LIX1: variants seen among roughly 807,000 people sequenced by gnomAD.
LIX1 encodes the protein protein limb expression 1 homolog.
Under a neutral mutation model 33.4 loss-of-function variants are expected in LIX1, and 24 were observed. That is an observed-to-expected ratio of 0.72 (90% CI 0.52 to 1.01). The LOEUF (loss-of-function observed/expected upper bound fraction) is 1.01, where lower values mean the gene tolerates loss of function less well. LIX1 is among the 50% of genes least tolerant of loss of function. LIX1 has a pLI of 0.00. For synonymous variants in LIX1, 124 were observed against 124.0 expected (o/e 1.00, Z 0.00); for missense variants, 311 against 339.2 (o/e 0.92, Z 0.65).
At chr5:97,095,968 T>A (rs182625) in intron 5 of LIX1, among the ~76,000 whole-genome samples, 48,847 of 152,072 alleles carry the variant, frequency 0.32, 8,808 homozygotes, top group African/African-American at 0.5. Context: ...ATCTTTGACA[T>A]CTGAAACCTA....
intron 2 of LIX1, among the ~76,000 whole-genome samples, chr5:97,113,593 A>C (rs1747525299): frequency 6.6e-6 from 1 of 152,134 alleles, no homozygotes; most frequent in South Asian, 2.1e-4. Flanking sequence ...GAGGTTATAC[A>C]TCCCAAGGTC....
At position 97,116,304 on chromosome 5, in the gene LIX1, T is replaced by C. The variant is rs548197544; in HGVS notation, c.246+8162A>G. Among the ~76,000 whole-genome samples the C allele has an allele frequency of 3.3e-5, 5 of 152,286 alleles. No homozygotes were observed. The East Asian group carries it at 9.6e-4, about 29-fold the overall frequency. ...TTTTTTCTCCTTCCAGATGGTGATG[T>C]GAAAAAGGGCAACCGTTGGAACTCA... On this transcript the variant is annotated intron_variant, in intron 2 of 5. Transcript: ENST00000274382.
At chr5:97,104,249 T>G (rs1336141873) in intron 4 of LIX1, among the ~76,000 whole-genome samples, 1 of 152,190 alleles carries the variant, frequency 6.6e-6, no homozygotes, top group Non-Finnish European at 1.5e-5. Flanking sequence ...TACCTCTGAT[T>G]GCTTCTTGGA....
At position 97,097,061 on chromosome 5, in the gene LIX1, T is replaced by C. The variant is rs568863279; in HGVS notation, c.484-174A>G. 2.2e-4 allele frequency among the ~76,000 whole-genome samples: 33 copies of C among 152,348 alleles called. No individual in the cohort carries two copies. The South Asian group carries it at 6.4e-3, about 30-fold the overall frequency. The stretch of plus-strand genomic sequence containing the variant: ...TCCCAGGGCTTCTGGAACATTCTTC[T>C]CTTCCTCCTTTGCTATATCCATAGC... On this transcript the variant is annotated intron_variant, in intron 4 of 5. Coordinates refer to ENST00000274382, the MANE Select transcript of LIX1 (RefSeq NM_153234.5).
rs575586203 is a variant in LIX1, at chr5:97,091,951, C to A, written c.*2797G>T. The stretch of plus-strand genomic sequence containing the variant: ...TTTAGTGACAGTTTGCTCTAAACTG[C>A]TTTTTTAAAAACAATAATATGGTAA... On this transcript the variant is annotated 3_prime_UTR_variant, in exon 6 of 6. Transcript: ENST00000274382. The A allele has an allele frequency of 6.6e-6, 1 of 152,362 alleles. No homozygotes were observed. The highest frequency in any genetic ancestry group is 2.1e-4 in the South Asian group (1 of 4,820). 9.4% of individuals were successfully genotyped at this position (152,362 alleles called of 1,614,324 possible). A position where few individuals can be genotyped will look rare whatever the true frequency, so the allele number is the denominator to read the frequency against.
At chr5:97,105,947 C>T (rs73775658) in intron 3 of LIX1, among the ~76,000 whole-genome samples, 1,697 of 152,258 alleles carry the variant, frequency 0.011, 26 homozygotes, top group African/African-American at 0.039. Context: ...CGCGGATTCC[C>T]GGGAAGGTGG....
intron 2 of LIX1, among the ~76,000 whole-genome samples, chr5:97,113,121 GAGC>G: frequency 6.6e-6 from 1 of 152,316 alleles, no homozygotes; most frequent in South Asian, 2.1e-4. Context: ...GCCATGTTAT[GAGC>G]AGTCCCAAGG....
At position 97,107,419 on chromosome 5, in the gene LIX1, G is replaced by C; in HGVS notation, c.328C>G (p.Arg110Gly). Residue 110 changes from arginine to glycine, a missense_variant, in exon 3 of 6, where the codon CGC (arginine) becomes GGC (glycine). Physicochemically the swap from Arg to Gly is moderately radical, Grantham distance 125 (BLOSUM62 -2). Coordinates refer to ENST00000274382, the MANE Select transcript of LIX1 (RefSeq NM_153234.5). ...ATAATGAATTCCTTGGTGATCCTGC[G>C]AGAGGGCAGCTCATTGAAGAGGGAG... ...INSLFNELPS[R>G]RITKEFIMES... is the part of the protein sequence containing the mutation. 1 of 1,612,984 alleles carries C rather than the reference G, an allele frequency of 6.2e-7. No homozygotes were observed. The highest frequency in any genetic ancestry group is 8.5e-7 in the Non-Finnish European group (1 of 1,180,000).
chr5:97,124,302 G>T (rs1241651189), intron 2 of LIX1, among the ~76,000 whole-genome samples, 164 bp downstream of exon 2: 1 of 152,152 alleles, frequency 6.6e-6, no homozygotes. Context: ...ATTTATAAAG[G>T]ATATTGGCAA....
In LIX1 at chr5:97,093,593, G is replaced by A. The variant is rs1442835521; in HGVS notation, c.*1155C>T. On this transcript the variant is annotated 3_prime_UTR_variant, in exon 6 of 6. Transcript: ENST00000274382. ...GCCCAGGAGTTCAAGACCAGCCTGG[G>A]CAACATGATGAAATCCCGTCTCTAC... 4 of 136,436 alleles carry A rather than the reference G, an allele frequency of 2.9e-5. No individual in the cohort carries two copies. The highest frequency in any genetic ancestry group is 6.1e-5 in the Non-Finnish European group (4 of 65,828). The allele number at this position is 136,436 out of a possible 1,614,324, so 8.5% of individuals were successfully genotyped here. A position where few individuals can be genotyped will look rare whatever the true frequency, so the allele number is the denominator to read the frequency against.
Position 97,096,833 on chromosome 5 carries a change from G to A in LIX1, c.538C>T (p.Arg180Cys), listed in dbSNP as rs139105148. The stretch of plus-strand genomic sequence containing the variant: ...ACCTGTCGGGAACACTTTGTTTCAC[G>A]AAGGGCTTTTAGGCTTCCATTCCAG... ...LHWNGSLKAL[R>C]ETKCSRQEVI... Residue 180 changes from arginine (R) to cysteine (C), a missense_variant, in exon 5 of 6, where the codon CGT becomes TGT. Transcript: ENST00000274382. 5 of 1,613,774 alleles carry A rather than the reference G, an allele frequency of 3.1e-6. No individual in the cohort carries two copies. Among genetic ancestry groups the A allele is most frequent in the African/African-American group, 2.7e-5 (2 of 74,910 alleles).
intron 4 of LIX1, 148 bp downstream of exon 4, chr5:97,105,042 C>A (rs942394975): frequency 3.0e-6 from 2 of 659,322 alleles, no homozygotes; most frequent in Admixed American, 2.6e-5. Context: ...GGCTACCATG[C>A]TGGATTCCAG....
chr5:97,137,366 G>A (rs6886209), intron 1 of LIX1, among the ~76,000 whole-genome samples: 3,988 of 152,070 alleles, frequency 0.026, 176 homozygotes, highest in African/African-American at 0.091. Context: ...AAGCCATAAA[G>A]TGATCAAGAA....
chr5:97,141,780 T>A (rs796365618), intron 1 of LIX1, among the ~76,000 whole-genome samples: 2 of 152,186 alleles, frequency 1.3e-5, no homozygotes, highest in African/African-American at 4.8e-5. Context: ...CAGCAGGAAA[T>A]CAAATTGGTT....
At chr5:97,103,016 T>G in intron 4 of LIX1, 1 of 444,216 alleles carries the variant, frequency 2.3e-6, no homozygotes, top group Non-Finnish European at 4.5e-6. Flanking sequence ...TTATTATTCC[T>G]ATTTTATAGA....
chr5:97,118,970 C>T (rs547235040), intron 2 of LIX1, among the ~76,000 whole-genome samples: 8 of 152,134 alleles, frequency 5.3e-5, no homozygotes, highest in African/African-American at 1.7e-4. Context: ...GCATAAAAAC[C>T]AGTGGTTTGT....
At chr5:97,104,633 T>C (rs1746916029) in intron 4 of LIX1, among the ~76,000 whole-genome samples, 1 of 152,236 alleles carries the variant, frequency 6.6e-6, no homozygotes, top group South Asian at 2.1e-4. Context: ...GTTACTAATA[T>C]ATTTTAGAAA....
In LIX1 at chr5:97,109,344, C is replaced by T. The variant is rs533878709; in HGVS notation, c.247-1844G>A. Among the ~76,000 whole-genome samples the T allele has an allele frequency of 2.0e-5, 3 of 152,278 alleles. No individual in the cohort carries two copies. The South Asian group carries it at 6.2e-4, about 32-fold the overall frequency. ...TCTTAGCTCACTGCAACCTCCACTT[C>T]TTGGGCCCAAGCGATCCTCCCACCT... On this transcript the variant is annotated intron_variant, in intron 2 of 5. Coordinates refer to ENST00000274382, the MANE Select transcript of LIX1 (RefSeq NM_153234.5).
chr5:97,096,303 C>T (rs1189065325), intron 5 of LIX1, among the ~76,000 whole-genome samples: 1 of 151,774 alleles, frequency 6.6e-6, no homozygotes, highest in Non-Finnish European at 1.5e-5. Flanking sequence ...ACTTCTAAAC[C>T]AAAAAAATGG....
Sources: allele counts gnomAD v4.1 joint callset (sites outside exome capture counted in the v4.1 genomes callset), GRCh38; gene constraint gnomAD v4.1.1; transcripts MANE v1.5; gene names NCBI Gene and HGNC (gene_info 2026-07-23, HGNC 2026-07-21).